The following DMD variants were observed in gnomAD, a reference collection of about 807,000 sequenced individuals.
The protein encoded by DMD is mutant dystrophin.
In DMD, 63 loss-of-function variants were observed where a neutral mutation model predicts 330.1. The observed-to-expected ratio is 0.19, with a 90% CI of 0.16 to 0.24. The LOEUF (loss-of-function observed/expected upper bound fraction) is 0.24, where lower values mean the gene tolerates loss of function less well. Ranked by LOEUF, DMD falls within the 10% of genes least tolerant of loss-of-function variation. The pLI is 1.00. For synonymous variants in DMD, 1,223 were observed against 959.8 expected, an observed-to-expected ratio of 1.27 and a Z score of -5.07; for missense variants, 3,344 against 2,684.1, an observed-to-expected ratio of 1.25 and a Z score of -5.43.
At chrX:32,411,508 A>G (rs1047445903) in intron 30 of DMD, among the ~76,000 whole-genome samples, 1 of 111,393 alleles carries the variant, frequency 9.0e-6, no homozygotes, top group Non-Finnish European at 1.9e-5. Context: ...AAACACCAGA[A>G]CGTATTGCTC....
chrX:31,173,153 C>T (rs2040171016), intron 72 of DMD, among the ~76,000 whole-genome samples: 1 of 111,357 alleles, frequency 9.0e-6, no homozygotes, highest in African/African-American at 3.3e-5. Flanking sequence ...AAAATAAATA[C>T]ACAAACGGAA....
At chrX:31,537,688 T>A (rs926345753) in intron 55 of DMD, among the ~76,000 whole-genome samples, 3 of 111,063 alleles carry the variant, frequency 2.7e-5, no homozygotes, top group Non-Finnish European at 5.7e-5. Flanking sequence ...TTCCATCTGC[T>A]GGGACTCCAC....
At chrX:31,691,092 A>G (rs1348466732) in intron 52 of DMD, among the ~76,000 whole-genome samples, 7 of 110,653 alleles carry the variant, frequency 6.3e-5, no homozygotes, top group Non-Finnish European at 1.3e-4. Flanking sequence ...AGTTGTGCAC[A>G]TGTACCCTAG....
At chrX:31,962,857 G>A (rs1219695531) in intron 45 of DMD, among the ~76,000 whole-genome samples, 1 of 111,329 alleles carries the variant, frequency 9.0e-6, no homozygotes, top group Non-Finnish European at 1.9e-5. Context: ...ACAGATCCTG[G>A]GGGCAAAATG....
intron 30 of DMD, among the ~76,000 whole-genome samples, chrX:32,405,619 T>G (rs1183920380): frequency 8.9e-6 from 1 of 111,732 alleles, no homozygotes; most frequent in Non-Finnish European, 1.9e-5. Context: ...AATTTAAGAC[T>G]GTGGTACCAG....
intron 17 of DMD, among the ~76,000 whole-genome samples, chrX:32,522,464 C>A (rs2046533199): frequency 1.8e-5 from 2 of 111,893 alleles, no homozygotes; most frequent in African/African-American, 6.5e-5. Context: ...TTGGGATATC[C>A]ATAATCTTAA....
intron 6 of DMD, among the ~76,000 whole-genome samples, chrX:32,812,051 C>T (rs2077404789): frequency 9.0e-6 from 1 of 110,867 alleles, no homozygotes; most frequent in Non-Finnish European, 1.9e-5. Context: ...TGGCTGTTAA[C>T]GTATTATAAT....
At chrX:31,323,492 G>T in intron 62 of DMD, 106 bp downstream of exon 62, 1 of 669,443 alleles carries the variant, frequency 1.5e-6, no homozygotes, top group East Asian at 3.5e-5. Context: ...AAAGACACAG[G>T]TATTGTAGGC....
At position 32,521,923 on chromosome X, in the gene DMD, G is replaced by A. The variant is rs370477878; in HGVS notation, c.2169-3792C>T. Among the ~76,000 whole-genome samples the A allele has an allele frequency of 1.1e-4, 12 of 111,588 alleles. No homozygotes were observed. The South Asian group carries it at 1.5e-3, about 14-fold the overall frequency. Reference sequence around the variant, plus strand: ...CTCATGAAATGAGTCCCCTTAAAATGATCTGAAGAGATCAGTGTTCTTTTC... The same window carrying A: ...CTCATGAAATGAGTCCCCTTAAAATAATCTGAAGAGATCAGTGTTCTTTTC... On this transcript the variant is annotated intron_variant, in intron 17 of 78. Transcript: ENST00000357033.
chrX:32,265,212 G>T (rs889359258), intron 43 of DMD, among the ~76,000 whole-genome samples: 3 of 111,855 alleles, frequency 2.7e-5, no homozygotes, highest in Non-Finnish European at 5.6e-5. Flanking sequence ...TAGGTGCCCT[G>T]CATCCCAGCC....
intron 53 of DMD, among the ~76,000 whole-genome samples, chrX:31,664,830 T>A (rs1455234251): frequency 1.8e-5 from 2 of 109,889 alleles, no homozygotes; most frequent in Non-Finnish European, 3.8e-5. Context: ...ACTGCGTAAA[T>A]GATCTTTTTG....
At chrX:32,139,334 T>C (rs1342388395) in intron 44 of DMD, among the ~76,000 whole-genome samples, 2 of 112,183 alleles carry the variant, frequency 1.8e-5, no homozygotes, top group South Asian at 3.7e-4. Flanking sequence ...TCAACTGTAA[T>C]TCATCAGGAT....
At chrX:31,620,412 T>C (rs1430183312) in intron 55 of DMD, among the ~76,000 whole-genome samples, 1 of 105,264 alleles carries the variant, frequency 9.5e-6, no homozygotes, top group Non-Finnish European at 2.0e-5. Context: ...TTCCATGACA[T>C]AATTTTTTTT....
intron 49 of DMD, among the ~76,000 whole-genome samples, chrX:31,829,861 C>A (rs146794208): frequency 8.9e-6 from 1 of 112,132 alleles, no homozygotes; most frequent in Non-Finnish European, 1.9e-5. Context: ...GTCTCTTTGT[C>A]TCTCTCTTTA....
chrX:32,771,834 T>G (rs2073642390), intron 7 of DMD, among the ~76,000 whole-genome samples: 1 of 111,812 alleles, frequency 8.9e-6, no homozygotes, highest in South Asian at 3.7e-4. Context: ...TCTTTGAGGT[T>G]TATACATTAT....
intron 1 of DMD, among the ~76,000 whole-genome samples, chrX:33,325,988 T>C (rs1170197117): frequency 1.8e-5 from 2 of 111,648 alleles, no homozygotes; most frequent in African/African-American, 6.5e-5. Context: ...GTAACTATCA[T>C]ACCATCATAA....
At chrX:31,187,782 A>AGG (rs2041946609) in intron 67 of DMD, among the ~76,000 whole-genome samples, 1 of 73,359 alleles carries the variant, frequency 1.4e-5, no homozygotes, top group Admixed American at 1.4e-4. Context: ...AGAGAGAGAG[A>AGG]GAGAGAACAA....
chrX:31,508,433 G>A (rs1175279679), intron 55 of DMD: 9 of 359,928 alleles, frequency 2.5e-5, no homozygotes, highest in Non-Finnish European at 4.8e-6. Context: ...CAGTAGCCAG[G>A]CGTGTGGATG....
chrX:32,405,016 C>A (rs1006845460), intron 30 of DMD, among the ~76,000 whole-genome samples: 6 of 111,696 alleles, frequency 5.4e-5, no homozygotes, highest in Non-Finnish European at 1.1e-4. Context: ...CACTCTGACT[C>A]CCTCCCATTG....
Sources: allele counts gnomAD v4.1 joint callset (sites outside exome capture counted in the v4.1 genomes callset), GRCh38; gene constraint gnomAD v4.1.1; transcripts MANE v1.5; gene names NCBI Gene and HGNC (gene_info 2026-07-23, HGNC 2026-07-21).